The following FAM135A variants were observed in gnomAD, a reference collection of about 807,000 sequenced individuals.
The protein encoded by FAM135A is protein FAM135A.
FAM135A carries 79 observed loss-of-function variants against 146.8 expected under a neutral mutation model. The observed-to-expected ratio is 0.54, with a 90% CI of 0.45 to 0.65. The LOEUF is 0.65. FAM135A is among the 30% of genes least tolerant of loss of function. The pLI is 0.00. For missense variants in FAM135A, 1,623 were observed against 1,758.2 expected (o/e 0.92, Z 1.38); for synonymous variants, 562 against 603.6 (o/e 0.93, Z 1.01).
chr6:70,525,907 A>C lies in FAM135A; in HGVS notation c.2823A>C (p.Lys941Asn). ...ATGTGAAAAGTAGTTGCAGCTCCAA[A>C]CCTAACTTGGATACTATGTGTAAAG... Reference protein sequence around the residue: ...SSDVKSSCSSKPNLDTMCKGF... With the variant: ...SSDVKSSCSSNPNLDTMCKGF... Residue 941 changes from lysine (K) to asparagine (N), a missense_variant, in exon 15 of 22, where the codon AAA (lysine) becomes AAC (asparagine). Physicochemically the swap from Lys to Asn is moderately conservative, Grantham distance 94 (BLOSUM62 0). Coordinates refer to ENST00000418814, the MANE Select transcript of FAM135A (RefSeq NM_001162529.3). The C allele has an allele frequency of 6.2e-7, 1 of 1,613,300 alleles. No individual in the cohort carries two copies. The highest frequency in any genetic ancestry group is 1.1e-5 in the South Asian group (1 of 90,958).
chr6:70,478,646 CACCTTG>C (rs1016553862), intron 8 of FAM135A, among the ~76,000 whole-genome samples: 2 of 152,084 alleles, frequency 1.3e-5, no homozygotes, highest in African/African-American at 4.8e-5. Flanking sequence ...ACATGTAGAT[CACCTTG>C]ACCTAGTTCC....
At chr6:70,440,365 G>A (rs993185075) in intron 4 of FAM135A, among the ~76,000 whole-genome samples, 3 of 152,108 alleles carry the variant, frequency 2.0e-5, no homozygotes, top group Non-Finnish European at 4.4e-5. Flanking sequence ...TTTACCCAGA[G>A]TCATTATTTC....
chr6:70,462,705 G>T (rs561102984), intron 5 of FAM135A, among the ~76,000 whole-genome samples: 4 of 151,108 alleles, frequency 2.6e-5, no homozygotes, highest in South Asian at 2.1e-4. Context: ...AATATTTTTT[G>T]TGTGTGTATA....
At chr6:70,544,848 C>T (rs553583111) in intron 20 of FAM135A, among the ~76,000 whole-genome samples, 1 of 151,112 alleles carries the variant, frequency 6.6e-6, no homozygotes, top group African/African-American at 2.4e-5. Context: ...GAAAGGAGTT[C>T]GAGACCAGCC....
chr6:70,555,138 A>G lies in FAM135A; in HGVS notation c.4229-1612A>G, dbSNP rs559464870. 5.9e-5 allele frequency among the ~76,000 whole-genome samples: 9 copies of G among 152,322 alleles called. No homozygotes were observed. In the South Asian group the frequency reaches 6.2e-4, roughly 11 times the overall value. ...CCAGAGACTTTTATACCCTAGGGCC[A>G]TATACCTTAATAAGATCTGAAGTAG... is the stretch of plus-strand genomic sequence containing the variant. On this transcript the variant is annotated intron_variant, in intron 20 of 21. Coordinates refer to ENST00000418814, the MANE Select transcript of FAM135A (RefSeq NM_001162529.3).
In FAM135A at chr6:70,560,867, AC is replaced by A. The variant is rs1801770165; in HGVS notation, c.*947del. 1 of 152,604 alleles carries A rather than the reference AC, an allele frequency of 6.6e-6. No individual in the cohort carries two copies. Among genetic ancestry groups the A allele is most frequent in the Non-Finnish European group, 1.5e-5 (1 of 67,988 alleles). The allele number at this position is 152,604 out of a possible 1,614,324, so 9.5% of individuals were successfully genotyped here. On this transcript the variant is annotated 3_prime_UTR_variant, in exon 22 of 22. Coordinates refer to ENST00000418814, the MANE Select transcript of FAM135A (RefSeq NM_001162529.3). ...TAAAATAATTCATGTTAAAGATGGA[AC>A]AAAATAATTAACTTTACATGTTTGG...
At position 70,554,847 on chromosome 6, in the gene FAM135A, G is replaced by A. The variant is rs113605805; in HGVS notation, c.4229-1903G>A. Among the ~76,000 whole-genome samples, 645 of 152,142 alleles carry A rather than the reference G, an allele frequency of 4.2e-3. 4 individuals are homozygous for A. The highest frequency in any genetic ancestry group is 0.015 in the African/African-American group (608 of 41,516). On this transcript the variant is annotated intron_variant, in intron 20 of 21. Coordinates refer to ENST00000418814, the MANE Select transcript of FAM135A (RefSeq NM_001162529.3). ...TCGCCATGTTGGCCAGGCTGGTCTC[G>A]AACTCCTGACCTCAGGTGATCCACC...
At chr6:70,475,781 T>C (rs902223886) in intron 7 of FAM135A, 48 bp downstream of exon 7, 21 of 1,397,090 alleles carry the variant, frequency 1.5e-5, no homozygotes, top group Non-Finnish European at 2.0e-5. Flanking sequence ...ATGACTGTTA[T>C]TTGTTATTAT....
chr6:70,550,828 A>G (rs563803028), intron 20 of FAM135A, among the ~76,000 whole-genome samples: 1 of 152,324 alleles, frequency 6.6e-6, no homozygotes, highest in East Asian at 1.9e-4. Context: ...TTTTTTCAAC[A>G]TTGAAAATCT....
At chr6:70,414,517 C>A (rs975514706) in intron 1 of FAM135A, among the ~76,000 whole-genome samples, 3 of 133,622 alleles carry the variant, frequency 2.2e-5, no homozygotes, top group Admixed American at 7.1e-5. Context: ...TTCCACCCTC[C>A]CCCCCCCATT....
At chr6:70,501,780 C>T (rs1048568224) in intron 11 of FAM135A, among the ~76,000 whole-genome samples, 6 of 152,154 alleles carry the variant, frequency 3.9e-5, no homozygotes, top group Non-Finnish European at 2.9e-5. Context: ...ACTCACCCTC[C>T]GTGGGTTGGA....
intron 8 of FAM135A, 66 bp downstream of exon 8, chr6:70,477,398 G>C: frequency 2.0e-6 from 3 of 1,482,190 alleles, no homozygotes; most frequent in Non-Finnish European, 1.8e-6. Flanking sequence ...ACCTGAGACT[G>C]GTCAATTTAT....
At position 70,502,569 on chromosome 6, in the gene FAM135A, A is replaced by G. The variant is rs1788796816; in HGVS notation, c.874-67A>G. 4 of 1,496,406 alleles carry G rather than the reference A, an allele frequency of 2.7e-6. No individual in the cohort carries two copies. The Admixed American group carries it at 8.2e-5, about 31-fold the overall frequency. 92.7% of individuals were successfully genotyped at this position (1,496,406 alleles called of 1,614,324 possible). A position where few individuals can be genotyped will look rare whatever the true frequency, so the allele number is the denominator to read the frequency against. On this transcript the variant is annotated intron_variant, in intron 11 of 21. Coordinates refer to ENST00000418814, the MANE Select transcript of FAM135A (RefSeq NM_001162529.3). Reference sequence around the variant, plus strand: ...TGCCTTTGTATTAATATTCTCAATAACATTATATTTAAGTATGTTACATTA... The same window carrying G: ...TGCCTTTGTATTAATATTCTCAATAGCATTATATTTAAGTATGTTACATTA...
Position 70,502,662 on chromosome 6 carries a change from A to G in FAM135A, c.900A>G (p.Ala300=). Residue 300 remains alanine (A), a synonymous_variant, in exon 12 of 22, where the codon GCA becomes GCG. Transcript: ENST00000418814. ...VKKIENPDEL[A]ELINMNLAQL... ...AAATAGAGAATCCTGATGAACTGGC[A>G]GAACTTATAAATATGAATCTTGCGC... is the stretch of plus-strand genomic sequence containing the variant. 3.1e-6 allele frequency: 5 copies of G among 1,611,692 alleles called. No homozygotes were observed. Among genetic ancestry groups the G allele is most frequent in the South Asian group, 1.1e-5 (1 of 90,362 alleles).
chr6:70,507,354 C>T (rs147740404), intron 12 of FAM135A, among the ~76,000 whole-genome samples: 58 of 152,146 alleles, frequency 3.8e-4, no homozygotes, highest in African/African-American at 1.2e-3. Context: ...AGTGCTAAGC[C>T]TACAGGAACT....
chr6:70,463,000 G>T (rs1562465248), intron 5 of FAM135A, among the ~76,000 whole-genome samples: 1 of 152,168 alleles, frequency 6.6e-6, no homozygotes, highest in Non-Finnish European at 1.5e-5. Flanking sequence ...CTTCCTTTGA[G>T]AGCCACTGAA....
At chr6:70,458,467 G>T (rs963401712) in intron 5 of FAM135A, among the ~76,000 whole-genome samples, 1 of 152,006 alleles carries the variant, frequency 6.6e-6, no homozygotes, top group Non-Finnish European at 1.5e-5. Context: ...CAATAAAGTG[G>T]CTCTGAACAA....
At chr6:70,521,958 C>T (rs1295730385) in intron 12 of FAM135A, among the ~76,000 whole-genome samples, 1 of 152,056 alleles carries the variant, frequency 6.6e-6, no homozygotes, top group African/African-American at 2.4e-5. Context: ...CTCTTGTCGC[C>T]CAGGCTGGAG....
chr6:70,426,814 G>A (rs1770256745), intron 3 of FAM135A: 1 of 152,256 alleles, frequency 6.6e-6, no homozygotes, highest in African/African-American at 2.4e-5. Flanking sequence ...GGGAACCTGA[G>A]TCTTTTAGAA....
Sources: allele counts gnomAD v4.1 joint callset (sites outside exome capture counted in the v4.1 genomes callset), GRCh38; gene constraint gnomAD v4.1.1; transcripts MANE v1.5; gene names NCBI Gene and HGNC (gene_info 2026-07-23, HGNC 2026-07-21).